TMCC2: variants seen among roughly 807,000 people sequenced by gnomAD.
TMCC2 encodes the protein transmembrane and coiled-coil domains protein 2.
A neutral mutation model predicts 49.4 loss-of-function variants in TMCC2; 16 were observed. That is an observed-to-expected ratio of 0.32 (90% CI 0.22 to 0.49). The LOEUF is 0.49. Ranked by LOEUF, TMCC2 falls within the 20% of genes least tolerant of loss-of-function variation. TMCC2 has a pLI of 0.99. For synonymous variants in TMCC2, 397 were observed against 434.1 expected (o/e 0.91, Z 1.06); for missense variants, 762 against 989.8 (o/e 0.77, Z 3.09).
intron 1 of TMCC2, chr1:205,230,155 G>A (rs1441870463): frequency 2.0e-6 from 2 of 985,546 alleles, no homozygotes; most frequent in Non-Finnish European, 2.4e-6. Context: ...TCAGAGTCAG[G>A]AAGTCAGAGC....
At chr1:205,233,690 C>T (rs922143133) in intron 1 of TMCC2, 8 of 151,214 alleles carry the variant, frequency 5.3e-5, no homozygotes, top group Admixed American at 1.3e-4. Context: ...AAAACATGTA[C>T]GCAGTTTAAA....
chr1:205,258,237 G>A lies in TMCC2; in HGVS notation c.748-10713G>A, dbSNP rs562040143. ...GAGTGAGTGACTTTCCTTGTCTCTC[G>A]GTAGTTTGCACCTGAAATCCCCTTG... On this transcript the variant is annotated intron_variant, in intron 2 of 4. Coordinates refer to ENST00000358024, the MANE Select transcript of TMCC2 (RefSeq NM_014858.4). 6.6e-5 allele frequency among the ~76,000 whole-genome samples: 10 copies of A among 152,168 alleles called. No homozygotes were observed. In the South Asian group the frequency reaches 1.0e-3, roughly 16 times the overall value.
intron 1 of TMCC2, among the ~76,000 whole-genome samples, chr1:205,235,003 A>G (rs1659977187): frequency 6.6e-6 from 1 of 152,176 alleles, no homozygotes; most frequent in African/African-American, 2.4e-5. Context: ...ATTACCAAAC[A>G]AGAGAAGAGG....
chr1:205,254,110 G>A (rs1375214637), intron 2 of TMCC2, among the ~76,000 whole-genome samples: 6 of 152,170 alleles, frequency 3.9e-5, no homozygotes, highest in East Asian at 1.9e-4. Context: ...GTTGTGAAGC[G>A]GCACGGACAG....
At chr1:205,267,125 A>ATG (rs1661373687) in intron 2 of TMCC2, among the ~76,000 whole-genome samples, 1 of 152,156 alleles carries the variant, frequency 6.6e-6, no homozygotes, top group Non-Finnish European at 1.5e-5. Context: ...CAAAGCAAAC[A>ATG]TAAGAGGGAA....
intron 1 of TMCC2, chr1:205,233,846 G>A (rs74139128): frequency 4.4e-4 from 67 of 151,742 alleles, no homozygotes; most frequent in African/African-American, 1.5e-3. Context: ...AAATTTATAG[G>A]TCTCAGTTTC....
intron 2 of TMCC2, among the ~76,000 whole-genome samples, chr1:205,248,288 A>G (rs993401114): frequency 6.6e-6 from 1 of 152,080 alleles, no homozygotes; most frequent in East Asian, 1.9e-4. Context: ...GTGCACCTGT[A>G]GTCCTAGCTG....
intron 2 of TMCC2, among the ~76,000 whole-genome samples, chr1:205,266,631 T>C (rs908530786): frequency 6.6e-6 from 1 of 151,516 alleles, no homozygotes; most frequent in Admixed American, 6.6e-5. Flanking sequence ...AAACCGTTAA[T>C]TTTGTGTAGT....
At chr1:205,233,280 G>A (rs1246110758) in intron 1 of TMCC2, among the ~76,000 whole-genome samples, 1 of 152,188 alleles carries the variant, frequency 6.6e-6, no homozygotes, top group Non-Finnish European at 1.5e-5. Flanking sequence ...TTTCTGAGCA[G>A]TATTAATATA....
chr1:205,228,644 A>G lies in TMCC2; in HGVS notation c.80A>G (p.His27Arg), dbSNP rs1394096197. Residue 27 changes from histidine (H) to arginine (R), a missense_variant, in exon 1 of 5, where the codon CAC (histidine) becomes CGC (arginine). His to Arg is a conservative substitution (Grantham distance 29, BLOSUM62 0). Around this residue, in one of 2 missense-constraint regions of TMCC2, gnomAD observed 322 missense variants for 353.1 expected, o/e 0.91. Coordinates refer to ENST00000358024, the MANE Select transcript of TMCC2 (RefSeq NM_014858.4). ...GCTGGGCTGGAAGATGCCGCTTCCCACCTGCCGGGCGCGGACCTCCGGCCT... is the reference window on the plus strand; with the variant it reads ...GCTGGGCTGGAAGATGCCGCTTCCCGCCTGCCGGGCGCGGACCTCCGGCCT... ...DGAGLEDAAS[H>R]LPGADLRPGE... 2 of 1,612,936 alleles carry G rather than the reference A, an allele frequency of 1.2e-6. No individual in the cohort carries two copies. Among genetic ancestry groups the G allele is most frequent in the Non-Finnish European group, 1.7e-6 (2 of 1,179,794 alleles).
At position 205,228,058 on chromosome 1, in the gene TMCC2, G is replaced by A. The variant is rs1400118919; in HGVS notation, c.-507G>A. 1 of 147,070 alleles carries A rather than the reference G, an allele frequency of 6.8e-6. No individual in the cohort carries two copies. Among genetic ancestry groups the A allele is most frequent in the Non-Finnish European group, 1.5e-5 (1 of 66,102 alleles). The allele number at this position is 147,070 out of a possible 1,614,324, so 9.1% of individuals were successfully genotyped here. On this transcript the variant is annotated 5_prime_UTR_variant, in exon 1 of 5. Transcript: ENST00000358024. ...GGGCCGGGCGCGCTGCGGGCTCCGC[G>A]GCCGGACCATGCGGGGCAGGGGCCG...
chr1:205,271,848 G>A lies in TMCC2; in HGVS notation c.1854G>A (p.Lys618=). 12 of 1,613,288 alleles carry A rather than the reference G, an allele frequency of 7.4e-6. No individual in the cohort carries two copies. Among genetic ancestry groups the A allele is most frequent in the Non-Finnish European group, 1.0e-5 (12 of 1,180,014 alleles). Residue 618 remains lysine (K), a synonymous_variant, in exon 5 of 5, where the codon AAG becomes AAA. Coordinates refer to ENST00000358024, the MANE Select transcript of TMCC2 (RefSeq NM_014858.4). The stretch of plus-strand genomic sequence containing the variant: ...AGTCCTGCCTGACCCGGGTCACCAA[G>A]CTGGAGCTGCAGCAGCAACAGCAGC... ...AVESCLTRVT[K]LELQQQQQQV...
intron 1 of TMCC2, among the ~76,000 whole-genome samples, chr1:205,237,902 G>A (rs898210536): frequency 6.6e-6 from 1 of 152,148 alleles, no homozygotes; most frequent in African/African-American, 2.4e-5. Context: ...ACCTCACCCT[G>A]GGAGGCTCTC....
intron 2 of TMCC2, among the ~76,000 whole-genome samples, chr1:205,252,215 T>G (rs1012944085): frequency 2.0e-5 from 3 of 152,206 alleles, no homozygotes; most frequent in Non-Finnish European, 4.4e-5. Flanking sequence ...AAGGACTACC[T>G]AAACAGGAGT....
intron 1 of TMCC2, among the ~76,000 whole-genome samples, chr1:205,234,401 G>A (rs758346524): frequency 3.9e-5 from 6 of 152,066 alleles, no homozygotes; most frequent in Non-Finnish European, 7.4e-5. Context: ...AGCCGAGATC[G>A]TGCCACTGCA....
At chr1:205,251,777 TC>T (rs756944593) in intron 2 of TMCC2, among the ~76,000 whole-genome samples, 4 of 152,222 alleles carry the variant, frequency 2.6e-5, no homozygotes, top group Admixed American at 6.5e-5. Context: ...TTGAAAGCCT[TC>T]CTGGCATCAA....
At chr1:205,245,134 G>T (rs184890352) in intron 2 of TMCC2, among the ~76,000 whole-genome samples, 7 of 152,264 alleles carry the variant, frequency 4.6e-5, no homozygotes, top group Non-Finnish European at 7.4e-5. Context: ...GGAGAAGAGT[G>T]CAATGGCAGG....
chr1:205,237,007 A>G (rs1222941720), intron 1 of TMCC2: 1 of 151,918 alleles, frequency 6.6e-6, no homozygotes, highest in Middle Eastern at 3.2e-3. Flanking sequence ...GAATGGGGGA[A>G]TTTTTTGCCC....
chr1:205,270,283 A>G (rs778654366), intron 3 of TMCC2, among the ~76,000 whole-genome samples: 83 of 152,150 alleles, frequency 5.5e-4, no homozygotes, highest in Admixed American at 1.4e-3. Flanking sequence ...CCTGACCTCA[A>G]TTCAGGGATG....
Sources: gnomAD v4.1 joint callset for allele counts (sites outside exome capture counted in the v4.1 genomes callset) on GRCh38, gnomAD v4.1.1 for gene constraint, gnomAD v4.1.1 regional missense constraint, MANE v1.5 for transcripts, NCBI Gene and HGNC (gene_info 2026-07-23, HGNC 2026-07-21) for gene names.